The following IQCK variants were observed in gnomAD, a reference collection of about 807,000 sequenced individuals.
IQCK encodes IQ motif containing K.
IQCK carries 29 observed loss-of-function variants against 28.1 expected under a neutral mutation model. The ratio of observed to expected loss-of-function variants is 1.03; its 90% CI spans 0.77 to 1.41. IQCK has a LOEUF of 1.41. Among genes scored for constraint, IQCK ranks in the 40% most tolerant of loss-of-function variants. IQCK has a pLI of 0.00. For synonymous variants in IQCK, 113 were observed against 115.1 expected (o/e 0.98, Z 0.12); for missense variants, 359 against 314.7 (o/e 1.14, Z -1.07).
intron 9 of IQCK, among the ~76,000 whole-genome samples, chr16:19,850,452 C>T (rs2056468699): frequency 6.6e-6 from 1 of 152,102 alleles, no homozygotes; most frequent in Non-Finnish European, 1.5e-5. Flanking sequence ...ACCTGGAATC[C>T]TAGAAATCGG....
intron 7 of IQCK, among the ~76,000 whole-genome samples, chr16:19,823,716 C>T (rs1017034707): frequency 6.6e-6 from 1 of 152,150 alleles, no homozygotes; most frequent in African/African-American, 2.4e-5. Context: ...GTGGGCAGAC[C>T]ACCTGAGGTC....
At chr16:19,760,963 TC>T (rs2055130388) in intron 4 of IQCK, among the ~76,000 whole-genome samples, 1 of 152,138 alleles carries the variant, frequency 6.6e-6, no homozygotes, top group Admixed American at 6.5e-5. Context: ...TTGTAAACTG[TC>T]ATGGTGCTGC....
chr16:19,761,358 A>T, intron 4 of IQCK: 1 of 455,114 alleles, frequency 2.2e-6, no homozygotes, highest in Non-Finnish European at 4.4e-6. Flanking sequence ...CACCCATAGG[A>T]TGGACCTATC....
chr16:19,854,679 C>G (rs1353415535), intron 9 of IQCK, among the ~76,000 whole-genome samples: 1 of 152,234 alleles, frequency 6.6e-6, no homozygotes, highest in Non-Finnish European at 1.5e-5. Flanking sequence ...GTGCGCACCT[C>G]TTCCCAACTC....
At chr16:19,723,867 G>A (rs570101306) in intron 1 of IQCK, among the ~76,000 whole-genome samples, 1 of 152,120 alleles carries the variant, frequency 6.6e-6, no homozygotes, top group Non-Finnish European at 1.5e-5. Context: ...GGCTGAGGCA[G>A]GAGAATCACT....
At chr16:19,733,706 A>G (rs2151683211) in exon 3 of IQCK, 1 of 1,614,036 alleles carries the variant, frequency 6.2e-7, no homozygotes, top group Non-Finnish European at 8.5e-7. Flanking sequence ...AGGTTGCGCC[A>G]GTAGAGGAAA....
chr16:19,749,354 A>G (rs757237304), intron 4 of IQCK, among the ~76,000 whole-genome samples: 1 of 152,214 alleles, frequency 6.6e-6, no homozygotes, highest in Non-Finnish European at 1.5e-5. Flanking sequence ...ATGAAATTTC[A>G]CTGGAACACA....
chr16:19,761,756 T>C (rs1417865075), intron 4 of IQCK: 2 of 227,840 alleles, frequency 8.8e-6, no homozygotes, highest in African/African-American at 4.5e-5. Flanking sequence ...TGTGGTTTAC[T>C]AGGTATCTAT....
downstream of IQCK, among the ~76,000 whole-genome samples, chr16:19,831,992 G>A (rs1463874882): frequency 1.3e-5 from 2 of 152,074 alleles, no homozygotes; most frequent in Non-Finnish European, 2.9e-5. Flanking sequence ...TTTAAAACGT[G>A]TATGGTAAGA....
In IQCK at chr16:19,775,866, C is replaced by CTTTTTTTTTT. The variant is rs570530152; in HGVS notation, c.605+11778_605+11787dup. Among the ~76,000 whole-genome samples the CTTTTTTTTTT allele has an allele frequency of 2.9e-4, 11 of 37,726 alleles. 2 individuals are homozygous for CTTTTTTTTTT. The highest frequency in any genetic ancestry group is 2.1e-3 in the East Asian group (2 of 944). The allele number at this position is 37,726 out of a possible 152,430, so 24.7% of individuals were successfully genotyped here. A position where few individuals can be genotyped will look rare whatever the true frequency, so the allele number is the denominator to read the frequency against. ...CTAGCTGTTCTGTTCTGGGCACAGG[C>CTTTTTTTTTT]TTTTTTTTTTTTTTTTTTTTTTTTT... On this transcript the variant is annotated intron_variant, in intron 6 of 7. Coordinates refer to ENST00000564186, the Ensembl canonical transcript of IQCK.
At chr16:19,781,025 C>T (rs2055475175) in intron 6 of IQCK, among the ~76,000 whole-genome samples, 1 of 152,146 alleles carries the variant, frequency 6.6e-6, no homozygotes, top group Non-Finnish European at 1.5e-5. Flanking sequence ...TGAAGATCCC[C>T]TGTGAGAGGT....
intron 7 of IQCK, among the ~76,000 whole-genome samples, chr16:19,815,120 T>C (rs1158708381): frequency 6.6e-5 from 10 of 152,204 alleles, no homozygotes; most frequent in African/African-American, 2.4e-4. Context: ...GGAATAATTA[T>C]CATTTTCTGT....
intron 6 of IQCK, among the ~76,000 whole-genome samples, chr16:19,778,977 A>G: frequency 6.6e-6 from 1 of 152,120 alleles, no homozygotes; most frequent in South Asian, 2.1e-4. Flanking sequence ...TGGTGCTTAA[A>G]ACAACACACA....
chr16:19,840,899 C>T (rs1009293514), intron 9 of IQCK, among the ~76,000 whole-genome samples: 12 of 152,232 alleles, frequency 7.9e-5, no homozygotes. Flanking sequence ...TTGCCAAGGG[C>T]ATGAAGCACA....
intron 4 of IQCK, among the ~76,000 whole-genome samples, chr16:19,751,686 C>T (rs1243140729): frequency 1.3e-5 from 2 of 151,524 alleles, no homozygotes; most frequent in Non-Finnish European, 2.9e-5. Flanking sequence ...TAACAAAGAG[C>T]TTGGCATGCC....
At chr16:19,811,100 A>G (rs1301518967) in intron 7 of IQCK, among the ~76,000 whole-genome samples, 4 of 152,182 alleles carry the variant, frequency 2.6e-5, no homozygotes, top group Non-Finnish European at 4.4e-5. Flanking sequence ...CCTGGGGAAC[A>G]TGGCAAAACC....
chr16:19,763,391 A>G (rs8052404), intron 4 of IQCK, among the ~76,000 whole-genome samples: 52,080 of 152,014 alleles, frequency 0.34, 13,968 homozygotes, highest in African/African-American at 0.75. Flanking sequence ...GCTGTCTCAG[A>G]GGTGGCAGAG....
At chr16:19,749,096 G>A (rs974081225) in intron 4 of IQCK, among the ~76,000 whole-genome samples, 8 of 152,164 alleles carry the variant, frequency 5.3e-5, no homozygotes, top group Non-Finnish European at 5.9e-5. Context: ...AACAGGAAAA[G>A]CCAGGTCATA....
chr16:19,734,955 C>G (rs1977964530), intron 3 of IQCK, among the ~76,000 whole-genome samples: 1 of 152,078 alleles, frequency 6.6e-6, no homozygotes, highest in South Asian at 2.1e-4. Flanking sequence ...TGGGCCTTGG[C>G]TAACGACTGC....
Sources: gnomAD v4.1 joint callset for allele counts (sites outside exome capture counted in the v4.1 genomes callset) on GRCh38, gnomAD v4.1.1 for gene constraint, MANE v1.5 for transcripts, NCBI Gene and HGNC (gene_info 2026-07-23, HGNC 2026-07-21) for gene names.